Variants in ATXN7 observed in about 807,000 individuals in gnomAD.
The protein encoded by ATXN7 is ataxin-7.
Under a neutral mutation model 70.5 loss-of-function variants are expected in ATXN7, and 12 were observed. That is an observed-to-expected ratio of 0.17 (90% CI 0.11 to 0.28). The LOEUF is 0.28. Ranked by LOEUF, ATXN7 falls within the 10% of genes least tolerant of loss-of-function variation. ATXN7 has a pLI of 1.00. For missense variants in ATXN7, 1,256 were observed against 1,131.7 expected (o/e 1.11, Z -1.58); for synonymous variants, 498 against 448.7 (o/e 1.11, Z -1.39).
At chr3:63,996,583 T>C in intron 12 of ATXN7, 100 bp downstream of exon 12, 1 of 1,353,564 alleles carries the variant, frequency 7.4e-7, no homozygotes, top group Non-Finnish European at 1.0e-6. Context: ...GTTGGTTGGT[T>C]TGTAAACAGA....
intron 4 of ATXN7, among the ~76,000 whole-genome samples, chr3:63,941,476 A>T (rs1312520403): frequency 6.6e-6 from 1 of 152,220 alleles, no homozygotes; most frequent in Non-Finnish European, 1.5e-5. Context: ...GTCTGATTAT[A>T]TGCGGTGGAA....
intron 2 of ATXN7, among the ~76,000 whole-genome samples, chr3:63,911,036 A>C (rs770981375): frequency 3.4e-5 from 5 of 145,850 alleles, no homozygotes; most frequent in Non-Finnish European, 7.6e-5. Flanking sequence ...TTTGAGGTAC[A>C]AAAAAAAAAA....
chr3:63,958,321 A>G (rs886896216), intron 5 of ATXN7, among the ~76,000 whole-genome samples: 3 of 152,212 alleles, frequency 2.0e-5, no homozygotes, highest in African/African-American at 7.2e-5. Flanking sequence ...AATTACTTAT[A>G]TATTCATATG....
intron 1 of ATXN7, among the ~76,000 whole-genome samples, chr3:63,882,689 G>C (rs900324908): frequency 7.2e-5 from 11 of 151,936 alleles, no homozygotes; most frequent in Non-Finnish European, 1.5e-4. Context: ...CTTGACCTCT[G>C]GCCTCTTAAA....
chr3:63,993,275 ATT>A (rs556994956), intron 11 of ATXN7, among the ~76,000 whole-genome samples: 84 of 115,980 alleles, frequency 7.2e-4, no homozygotes, highest in Non-Finnish European at 7.6e-4. Context: ...TTGTTGGTGT[ATT>A]TTTTTTTTTT....
chr3:63,922,898 T>C (rs1041346680), intron 4 of ATXN7, among the ~76,000 whole-genome samples: 1 of 152,180 alleles, frequency 6.6e-6, no homozygotes, highest in African/African-American at 2.4e-5. Flanking sequence ...AAGCCATCAT[T>C]CTGTGTAATC....
chr3:63,911,627 C>T lies in ATXN7; in HGVS notation c.-11-961C>T, dbSNP rs563107256. On this transcript the variant is annotated intron_variant, in intron 2 of 12. Transcript: ENST00000674280. ...TTAAAGCTTCTCTCGGTTTGTTTCA[C>T]TCTCCTCCATTCCCTCGCACACTGA... The T allele has an allele frequency of 2.6e-5, 4 of 152,312 alleles. No individual in the cohort carries two copies. In the South Asian group the frequency reaches 8.3e-4, roughly 32 times the overall value. The allele number at this position is 152,312 out of a possible 1,614,324, so 9.4% of individuals were successfully genotyped here. A position where few individuals can be genotyped will look rare whatever the true frequency, so the allele number is the denominator to read the frequency against.
intron 4 of ATXN7, among the ~76,000 whole-genome samples, chr3:63,945,090 C>A (rs1179607952): frequency 1.3e-5 from 2 of 152,208 alleles, no homozygotes; most frequent in African/African-American, 4.8e-5. Context: ...CCGCACCCAA[C>A]CTGTGTTTTT....
At chr3:63,892,411 C>CA (rs1491464922) in intron 1 of ATXN7, among the ~76,000 whole-genome samples, 1 of 145,600 alleles carries the variant, frequency 6.9e-6, no homozygotes, top group Non-Finnish European at 1.5e-5. Context: ...CACACACACA[C>CA]CCGCCAACTC....
intron 2 of ATXN7, among the ~76,000 whole-genome samples, chr3:63,907,456 CTTT>C (rs946462374): frequency 2.6e-5 from 3 of 116,622 alleles, no homozygotes; most frequent in Non-Finnish European, 1.8e-5. Flanking sequence ...CATTCCTTGT[CTTT>C]TTTTTTTTTT....
At chr3:63,971,044 G>C (rs73834157) in intron 5 of ATXN7, among the ~76,000 whole-genome samples, 121 of 152,310 alleles carry the variant, frequency 7.9e-4, no homozygotes, top group African/African-American at 2.7e-3. Context: ...TCCGCATTAG[G>C]GGGAGGAGAG....
At chr3:63,959,024 G>T (rs1397453717) in intron 5 of ATXN7, among the ~76,000 whole-genome samples, 2 of 152,184 alleles carry the variant, frequency 1.3e-5, no homozygotes, top group Non-Finnish European at 2.9e-5. Context: ...CAAGAAGCTG[G>T]ATCAGTATTG....
chr3:63,882,645 C>G (rs1702950628), intron 1 of ATXN7, among the ~76,000 whole-genome samples: 1 of 152,072 alleles, frequency 6.6e-6, no homozygotes, highest in Non-Finnish European at 1.5e-5. Context: ...CTTGGCCTCC[C>G]AAAGTGCTGG....
In ATXN7 at chr3:63,907,352, T is replaced by C. The variant is rs111907964; in HGVS notation, c.-11-5236T>C. 2.2e-3 allele frequency among the ~76,000 whole-genome samples: 342 copies of C among 152,246 alleles called. 1 individual carries two copies. The highest frequency in any genetic ancestry group is 7.1e-3 in the African/African-American group (296 of 41,542). On this transcript the variant is annotated intron_variant, in intron 2 of 12. Coordinates refer to ENST00000674280, the MANE Select transcript of ATXN7 (RefSeq NM_001377405.1). ...GTACATGGGAAATTACGTTTAACAATGTGTTTAACCTGCATTTTATGGTAG... is the reference window on the plus strand; with the variant it reads ...GTACATGGGAAATTACGTTTAACAACGTGTTTAACCTGCATTTTATGGTAG...
chr3:63,942,674 C>G (rs779666948), intron 4 of ATXN7, among the ~76,000 whole-genome samples: 9 of 152,098 alleles, frequency 5.9e-5, no homozygotes, highest in Admixed American at 2.0e-4. Flanking sequence ...GGCTACAGAC[C>G]AGTAGAGATT....
chr3:63,942,791 G>A (rs1466945529), intron 4 of ATXN7, among the ~76,000 whole-genome samples: 1 of 152,302 alleles, frequency 6.6e-6, no homozygotes, highest in East Asian at 1.9e-4. Context: ...AAAGTTTTAT[G>A]TGTGGTAATT....
intron 1 of ATXN7, among the ~76,000 whole-genome samples, chr3:63,892,403 CACACA>C (rs766005566): frequency 1.9e-4 from 28 of 150,522 alleles, no homozygotes; most frequent in African/African-American, 4.9e-4. Context: ...CACACACACA[CACACA>C]CACCCGCCAA....
At chr3:63,941,546 C>T (rs1309495396) in intron 4 of ATXN7, among the ~76,000 whole-genome samples, 2 of 152,182 alleles carry the variant, frequency 1.3e-5, no homozygotes, top group East Asian at 1.9e-4. Context: ...TTGTCTTCCA[C>T]GAAACTGTTC....
At chr3:63,929,101 GA>G (rs1430689726) in intron 4 of ATXN7, among the ~76,000 whole-genome samples, 1 of 152,062 alleles carries the variant, frequency 6.6e-6, no homozygotes, top group Non-Finnish European at 1.5e-5. Context: ...TGAGACAGGT[GA>G]AAACAATTCA....
Sources: gnomAD v4.1 joint callset for allele counts (sites outside exome capture counted in the v4.1 genomes callset) on GRCh38, gnomAD v4.1.1 for gene constraint, MANE v1.5 for transcripts, NCBI Gene and HGNC (gene_info 2026-07-23, HGNC 2026-07-21) for gene names.